The following CTNNBL1 variants were observed in gnomAD, a reference collection of about 807,000 sequenced individuals.
The protein encoded by CTNNBL1 is catenin beta like 1.
Under a neutral mutation model 72.7 loss-of-function variants are expected in CTNNBL1, and 31 were observed. The ratio of observed to expected loss-of-function variants is 0.43; its 90% CI spans 0.32 to 0.58. CTNNBL1 has a LOEUF of 0.58. Ranked by LOEUF, CTNNBL1 falls within the 20% of genes least tolerant of loss-of-function variation. CTNNBL1 has a pLI of 0.08. For missense variants in CTNNBL1, 534 were observed against 725.1 expected (o/e 0.74, Z 3.03); for synonymous variants, 240 against 267.3 (o/e 0.90, Z 1.00).
At chr20:37,764,667 A>G (rs1269768115) in intron 5 of CTNNBL1, among the ~76,000 whole-genome samples, 1 of 152,260 alleles carries the variant, frequency 6.6e-6, no homozygotes, top group African/African-American at 2.4e-5. Flanking sequence ...AGAGGGAACT[A>G]TAAATTCTTC....
intron 7 of CTNNBL1, among the ~76,000 whole-genome samples, chr20:37,775,513 G>A (rs2073566186): frequency 6.6e-6 from 1 of 152,178 alleles, no homozygotes; most frequent in Non-Finnish European, 1.5e-5. Flanking sequence ...TTGCCACAGC[G>A]CAAAGTTGGA....
At chr20:37,853,286 T>C (rs2072412335) in intron 13 of CTNNBL1, among the ~76,000 whole-genome samples, 1 of 152,252 alleles carries the variant, frequency 6.6e-6, no homozygotes. Context: ...AGTCCACTTA[T>C]ATATCTTTAG....
chr20:37,816,710 GAAAGA>G (rs1432173799), intron 11 of CTNNBL1, among the ~76,000 whole-genome samples: 2 of 151,016 alleles, frequency 1.3e-5, no homozygotes, highest in African/African-American at 4.9e-5. Context: ...CTCCAAAGCA[GAAAGA>G]AAAGTATGGT....
rs533043128 is a variant in CTNNBL1 at position 37,784,123 on chromosome 20, A to G, written c.1031+4788A>G. Among the ~76,000 whole-genome samples, 13 of 152,208 alleles carry G rather than the reference A, an allele frequency of 8.5e-5. No homozygotes were observed. In the South Asian group the frequency reaches 2.7e-3, roughly 32 times the overall value. On this transcript the variant is annotated intron_variant, in intron 10 of 15. Transcript: ENST00000361383. ...AATGACCTTCTTTGTCTCTTGGTCT[A>G]ATTTTTGTCTTGCTATCTATTTTGT...
chr20:37,740,191 G>T (rs554424371), intron 3 of CTNNBL1, among the ~76,000 whole-genome samples: 13 of 152,002 alleles, frequency 8.6e-5, no homozygotes, highest in African/African-American at 2.4e-5. Flanking sequence ...TGTGCATAAA[G>T]AACTTTTTTT....
intron 1 of CTNNBL1, among the ~76,000 whole-genome samples, chr20:37,729,953 C>T (rs992654663): frequency 2.0e-5 from 3 of 152,148 alleles, no homozygotes; most frequent in South Asian, 2.1e-4. Flanking sequence ...TGTGTTCATA[C>T]GAAATTATCA....
At chr20:37,704,956 G>A (rs1243001072) in intron 1 of CTNNBL1, among the ~76,000 whole-genome samples, 3 of 152,210 alleles carry the variant, frequency 2.0e-5, no homozygotes, top group African/African-American at 7.2e-5. Flanking sequence ...TCTCTCAGTA[G>A]TTGTCATTGT....
chr20:37,736,594 G>A (rs2073173586), intron 2 of CTNNBL1, among the ~76,000 whole-genome samples: 1 of 151,996 alleles, frequency 6.6e-6, no homozygotes, highest in Non-Finnish European at 1.5e-5. Context: ...AGGCCGGAGT[G>A]CAGCGGCACA....
chr20:37,779,894 G>A (rs999807006), intron 10 of CTNNBL1, among the ~76,000 whole-genome samples: 3 of 152,084 alleles, frequency 2.0e-5, no homozygotes, highest in Admixed American at 6.6e-5. Flanking sequence ...ATTCCTGAAA[G>A]TGGATCTTAT....
chr20:37,697,139 T>C (rs1268107736), intron 1 of CTNNBL1, among the ~76,000 whole-genome samples: 1 of 151,104 alleles, frequency 6.6e-6, no homozygotes, highest in Non-Finnish European at 1.5e-5. Flanking sequence ...GCTGAGATCA[T>C]CCCATTGCAC....
At chr20:37,744,601 A>T (rs1464623170) in intron 3 of CTNNBL1, 1 of 152,142 alleles carries the variant, frequency 6.6e-6, no homozygotes, top group Non-Finnish European at 1.5e-5. Context: ...TTCTTGGAAC[A>T]CTGTGTTGAG....
Position 37,695,109 on chromosome 20 carries a change from C to A in CTNNBL1, c.30+957C>A, listed in dbSNP as rs530118659. On this transcript the variant is annotated intron_variant, in intron 1 of 15. Transcript: ENST00000361383. ...TTTTTATATTGATTACATGATCGTA[C>A]TGATTATATCAATTACATTGGTTAT... The A allele has an allele frequency of 3.3e-5, 5 of 152,154 alleles. No homozygotes were observed. The South Asian group carries it at 1.0e-3, about 32-fold the overall frequency. The allele number at this position is 152,154 out of a possible 1,614,324, so 9.4% of individuals were successfully genotyped here. A position where few individuals can be genotyped will look rare whatever the true frequency, so the allele number is the denominator to read the frequency against.
intron 15 of CTNNBL1, among the ~76,000 whole-genome samples, chr20:37,861,939 C>G (rs914832876): frequency 6.6e-6 from 1 of 152,164 alleles, no homozygotes; most frequent in Non-Finnish European, 1.5e-5. Flanking sequence ...GAGGCTAGGA[C>G]AGAGACAGTC....
intron 10 of CTNNBL1, among the ~76,000 whole-genome samples, chr20:37,780,666 C>A (rs1371551819): frequency 6.6e-6 from 1 of 152,010 alleles, no homozygotes; most frequent in Non-Finnish European, 1.5e-5. Flanking sequence ...CAATGTTTTG[C>A]CGTTATAACA....
At chr20:37,850,396 T>C (rs1342566254) in intron 13 of CTNNBL1, among the ~76,000 whole-genome samples, 1 of 152,168 alleles carries the variant, frequency 6.6e-6, no homozygotes, top group African/African-American at 2.4e-5. Context: ...TGTGTGTGTG[T>C]GTCCATTTTC....
intron 2 of CTNNBL1, 59 bp downstream of exon 2, chr20:37,733,126 G>C: frequency 1.4e-6 from 2 of 1,472,460 alleles, no homozygotes; most frequent in Non-Finnish European, 1.9e-6. Flanking sequence ...CGTAATTTTG[G>C]GCCAAATACT....
intron 11 of CTNNBL1, among the ~76,000 whole-genome samples, chr20:37,822,730 T>C (rs1373216212): frequency 6.6e-6 from 1 of 152,156 alleles, no homozygotes; most frequent in East Asian, 1.9e-4. Flanking sequence ...AAAACTTGGG[T>C]AAGGCTCATA....
intron 15 of CTNNBL1, among the ~76,000 whole-genome samples, chr20:37,866,131 C>G (rs2072534958): frequency 3.3e-5 from 5 of 152,240 alleles, no homozygotes. Flanking sequence ...TGGAGAGAGG[C>G]CTGTATGTTA....
chr20:37,842,380 A>T lies in CTNNBL1; in HGVS notation c.1353A>T (p.Ala451=), dbSNP rs147450818. The T allele has an allele frequency of 2.5e-6, 4 of 1,613,994 alleles. No homozygotes were observed. The African/African-American group carries it at 5.3e-5, about 22-fold the overall frequency. Residue 451 remains alanine (A), a synonymous_variant, in exon 13 of 16, where the codon GCA becomes GCT. Transcript: ENST00000361383. ...AGTTGCATTTTAAATATCTGGGTGC[A>T]ATGCAGGTGGCGGACAAGAAGATTG... ...LMELHFKYLG[A]MQVADKKIEG...
Sources: allele counts gnomAD v4.1 joint callset (sites outside exome capture counted in the v4.1 genomes callset), GRCh38; gene constraint gnomAD v4.1.1; transcripts MANE v1.5; gene names NCBI Gene and HGNC (gene_info 2026-07-23, HGNC 2026-07-21).